The following CHIC2 variants were observed in gnomAD, a reference collection of about 807,000 sequenced individuals.
CHIC2 encodes cysteine rich hydrophobic domain 2.
Under a neutral mutation model 25.9 loss-of-function variants are expected in CHIC2, and 14 were observed. The ratio of observed to expected loss-of-function variants is 0.54; its 90% CI spans 0.36 to 0.85. The LOEUF (loss-of-function observed/expected upper bound fraction) is 0.85, where lower values mean the gene tolerates loss of function less well. Among genes scored for constraint, CHIC2 ranks in the 40% least tolerant of loss-of-function variants. The pLI, the probability that CHIC2 is intolerant of heterozygous loss-of-function variation, is 0.01. For synonymous variants in CHIC2, 70 were observed against 72.0 expected (o/e 0.97, Z 0.14); for missense variants, 146 against 202.0 (o/e 0.72, Z 1.68).
In CHIC2 at chr4:54,010,024, C is replaced by T. The variant is rs1715536328; in HGVS notation, c.*71G>A. On this transcript the variant is annotated 3_prime_UTR_variant, in exon 6 of 6. Coordinates refer to ENST00000263921, the MANE Select transcript of CHIC2 (RefSeq NM_012110.4). ...TGTAGAACCAATGTTATGTCACCAC[C>T]AGGAGAGCACCAAGCAAGGCACCAT... is the stretch of plus-strand genomic sequence containing the variant. The T allele has an allele frequency of 2.0e-6, 2 of 1,009,442 alleles. No individual in the cohort carries two copies. Among genetic ancestry groups the T allele is most frequent in the African/African-American group, 3.3e-5 (2 of 60,738 alleles). The allele number at this position is 1,009,442 out of a possible 1,614,324, so 62.5% of individuals were successfully genotyped here.
At chr4:54,040,472 G>A (rs867071318) in intron 3 of CHIC2, among the ~76,000 whole-genome samples, 70 of 151,052 alleles carry the variant, frequency 4.6e-4, no homozygotes, top group Admixed American at 1.3e-3. Flanking sequence ...AGGCCGAAGC[G>A]GGCAGATCAC....
Position 54,009,907 on chromosome 4 carries a change from C to A in CHIC2, c.*188G>T. ...AGTATTAAACATCTGTATGAAATAA[C>A]TGTTGCAAAGATTGACAAAAATGCA... On this transcript the variant is annotated 3_prime_UTR_variant, in exon 6 of 6. Transcript: ENST00000263921. 2 of 430,550 alleles carry A rather than the reference C, an allele frequency of 4.6e-6. No individual in the cohort carries two copies. The allele number at this position is 430,550 out of a possible 1,614,324, so 26.7% of individuals were successfully genotyped here.
At chr4:54,082,354 G>A in the CHIC2 span, among the ~76,000 whole-genome samples, 1 of 152,194 alleles carries the variant, frequency 6.6e-6, no homozygotes, top group Non-Finnish European at 1.5e-5. Context: ...CCAGGACCAG[G>A]CCCTAAACAT....
chr4:54,016,873 T>C (rs982242304), intron 3 of CHIC2, among the ~76,000 whole-genome samples: 2 of 151,432 alleles, frequency 1.3e-5, no homozygotes, highest in African/African-American at 4.8e-5. Flanking sequence ...GTGCCACAAA[T>C]TATTTGTTAG....
intron 3 of CHIC2, among the ~76,000 whole-genome samples, chr4:54,042,586 G>T (rs573923538): frequency 6.6e-6 from 1 of 152,174 alleles, no homozygotes; most frequent in South Asian, 2.1e-4. Flanking sequence ...GGATTTTCTG[G>T]GTTACATGAT....
intron 3 of CHIC2, among the ~76,000 whole-genome samples, chr4:54,022,785 A>C (rs944246920): frequency 2.0e-5 from 3 of 152,052 alleles, no homozygotes; most frequent in African/African-American, 4.8e-5. Context: ...ACCCCGCTCA[A>C]TGCCAATATC....
Position 54,041,701 on chromosome 4 carries a change from T to C in CHIC2, c.330+7254A>G, listed in dbSNP as rs538762024. ...GGTTTCCTCTGTAATCCATGTATTT[T>C]TACCTTATGCATTTAGAATACATTA... is the stretch of plus-strand genomic sequence containing the variant. On this transcript the variant is annotated intron_variant, in intron 3 of 5. Transcript: ENST00000263921. Among the ~76,000 whole-genome samples, 3 of 152,340 alleles carry C rather than the reference T, an allele frequency of 2.0e-5. No individual in the cohort carries two copies. In the East Asian group the frequency reaches 5.8e-4, roughly 29 times the overall value.
At chr4:54,047,374 C>A (rs1348466280) in intron 3 of CHIC2, among the ~76,000 whole-genome samples, 1 of 152,054 alleles carries the variant, frequency 6.6e-6, no homozygotes, top group Non-Finnish European at 1.5e-5. Flanking sequence ...GCACTATTCA[C>A]AATAGCAAAG....
chr4:54,045,388 C>T (rs965218860), intron 3 of CHIC2, among the ~76,000 whole-genome samples: 2 of 152,236 alleles, frequency 1.3e-5, no homozygotes, highest in East Asian at 3.9e-4. Flanking sequence ...AACAGTGATG[C>T]AAAAATTCTC....
In CHIC2 at chr4:54,025,571, G is replaced by A. The variant is rs569939373; in HGVS notation, c.331-11452C>T. 6.6e-4 allele frequency among the ~76,000 whole-genome samples: 101 copies of A among 152,208 alleles called. 2 individuals carry two copies. The highest frequency in any genetic ancestry group is 1.6e-4 in the Non-Finnish European group (11 of 67,998). On this transcript the variant is annotated intron_variant, in intron 3 of 5. Coordinates refer to ENST00000263921, the MANE Select transcript of CHIC2 (RefSeq NM_012110.4). ...ACTTAGGACCAACAGGTAGAAAAGG[G>A]GTAAAGGCCGGGCGCAATAGCTCAC... is the stretch of plus-strand genomic sequence containing the variant.
At chr4:54,024,031 G>T (rs1715985480) in intron 3 of CHIC2, among the ~76,000 whole-genome samples, 1 of 152,178 alleles carries the variant, frequency 6.6e-6, no homozygotes, top group African/African-American at 2.4e-5. Flanking sequence ...TGATAAGGTA[G>T]CTAAACAAGC....
rs76572531 is a variant in CHIC2 at position 54,036,962 on chromosome 4, T to C, written c.330+11993A>G. Among the ~76,000 whole-genome samples, 866 of 151,866 alleles carry C rather than the reference T, an allele frequency of 5.7e-3. 9 individuals are homozygous for C. The highest frequency in any genetic ancestry group is 0.014 in the South Asian group (67 of 4,814). On this transcript the variant is annotated intron_variant, in intron 3 of 5. Transcript: ENST00000263921. The stretch of plus-strand genomic sequence containing the variant: ...ACCAAAATGTCCATCAGCAGGTAAA[T>C]AGATAAACAAATGTGGCATATCCAT...
At chr4:54,048,435 C>A (rs1489632484) in intron 3 of CHIC2, among the ~76,000 whole-genome samples, 1 of 152,098 alleles carries the variant, frequency 6.6e-6, no homozygotes, top group Non-Finnish European at 1.5e-5. Flanking sequence ...CAAGAAACAA[C>A]CATTGTAACC....
chr4:54,024,382 CTGA>C (rs1715995228), intron 3 of CHIC2, among the ~76,000 whole-genome samples: 1 of 152,164 alleles, frequency 6.6e-6, no homozygotes, highest in African/African-American at 2.4e-5. Flanking sequence ...TACTTTCACC[CTGA>C]TGAAGTCTTA....
upstream of CHIC2, chr4:54,064,699 G>A: frequency 1.0e-6 from 1 of 996,304 alleles, no homozygotes. The surrounding 1 kb of genome is among the most constrained non-coding windows in gnomAD (Gnocchi z 4.2). Flanking sequence ...GTGCGTGGGC[G>A]CGTGGGCGAG....
intron 3 of CHIC2, among the ~76,000 whole-genome samples, chr4:54,034,459 T>TAA (rs773019848): frequency 1.3e-4 from 20 of 152,190 alleles, no homozygotes; most frequent in Non-Finnish European, 2.4e-4. Context: ...TTCCCCCACT[T>TAA]ACTTAAGTCT....
chr4:54,048,181 G>T (rs943977014), intron 3 of CHIC2, among the ~76,000 whole-genome samples: 1 of 152,022 alleles, frequency 6.6e-6, no homozygotes. Flanking sequence ...GTAGAGACAG[G>T]GTTTTACCAT....
At chr4:54,011,903 A>C (rs1393816051) in intron 5 of CHIC2, among the ~76,000 whole-genome samples, 1 of 151,986 alleles carries the variant, frequency 6.6e-6, no homozygotes, top group Non-Finnish European at 1.5e-5. Flanking sequence ...AACAAAATTA[A>C]ATTCCTGTAA....
At position 54,019,985 on chromosome 4, in the gene CHIC2, C is replaced by T. The variant is rs1577964142; in HGVS notation, c.331-5866G>A. On this transcript the variant is annotated intron_variant, in intron 3 of 5. Transcript: ENST00000263921. ...AATATTAGAAAAACTGTTCATAAGA[C>T]AAAGGAATTTCACTATGCAAATAAA... Among the ~76,000 whole-genome samples the T allele has an allele frequency of 3.9e-5, 6 of 152,054 alleles. No individual in the cohort carries two copies. The South Asian group carries it at 1.2e-3, about 32-fold the overall frequency.
Sources: allele counts gnomAD v4.1 joint callset (sites outside exome capture counted in the v4.1 genomes callset), GRCh38; gene constraint gnomAD v4.1.1; non-coding constraint Gnocchi (gnomAD v3.1); transcripts MANE v1.5; gene names NCBI Gene and HGNC (gene_info 2026-07-23, HGNC 2026-07-21).